Variants in SPRED1 observed in about 807,000 individuals in gnomAD.
SPRED1 encodes the protein sprouty-related, EVH1 domain-containing protein 1.
SPRED1 carries 18 observed loss-of-function variants against 52.3 expected under a neutral mutation model. That is an observed-to-expected ratio of 0.34 (90% CI 0.24 to 0.51). The LOEUF (loss-of-function observed/expected upper bound fraction) is 0.51, where lower values mean the gene tolerates loss of function less well. Among genes scored for constraint, SPRED1 ranks in the 20% least tolerant of loss-of-function variants. The probability of loss-of-function intolerance (pLI) is 0.97; values close to 1 mark genes in which losing one functional copy is unlikely to be tolerated. For missense variants in SPRED1, 485 were observed against 551.0 expected, an observed-to-expected ratio of 0.88 and a Z score of 1.20; for synonymous variants, 155 against 179.7, an observed-to-expected ratio of 0.86 and a Z score of 1.10.
chr15:38,293,505 G>A (rs562948155), intron 1 of SPRED1, among the ~76,000 whole-genome samples: 1 of 152,138 alleles, frequency 6.6e-6, no homozygotes, highest in Non-Finnish European at 1.5e-5. Context: ...AGTTGCCAGT[G>A]CTAAAGGAGT....
intron 1 of SPRED1, among the ~76,000 whole-genome samples, chr15:38,275,904 C>T (rs1035170906): frequency 6.6e-6 from 1 of 152,148 alleles, no homozygotes; most frequent in African/African-American, 2.4e-5. Context: ...TAAACTTGGA[C>T]CTTCTTATTG....
At chr15:38,330,640 T>G (rs1299805425) in intron 4 of SPRED1, among the ~76,000 whole-genome samples, 1 of 152,148 alleles carries the variant, frequency 6.6e-6, no homozygotes, top group Non-Finnish European at 1.5e-5. Flanking sequence ...GTTTAACACA[T>G]GTAATGCCAA....
chr15:38,271,849 C>T (rs1472332951), intron 1 of SPRED1, among the ~76,000 whole-genome samples: 1 of 152,116 alleles, frequency 6.6e-6, no homozygotes, highest in South Asian at 2.1e-4. Flanking sequence ...ATGACTGAAC[C>T]TGTCACCCAG....
At chr15:38,254,401 G>T (rs1245143728) in intron 1 of SPRED1, among the ~76,000 whole-genome samples, 1 of 152,196 alleles carries the variant, frequency 6.6e-6, no homozygotes, top group African/African-American at 2.4e-5. Flanking sequence ...AGCGGGTGTA[G>T]AAGGAGGTAC....
chr15:38,271,388 T>A (rs1894431439), intron 1 of SPRED1, among the ~76,000 whole-genome samples: 2 of 152,226 alleles, frequency 1.3e-5, no homozygotes, highest in East Asian at 3.8e-4. Flanking sequence ...TTGCAGCATT[T>A]CTTAGTAGTC....
intron 2 of SPRED1, among the ~76,000 whole-genome samples, chr15:38,314,534 A>G (rs1409715584): frequency 2.0e-5 from 3 of 151,554 alleles, no homozygotes; most frequent in Non-Finnish European, 4.4e-5. Flanking sequence ...TTATTCCTCT[A>G]TTGGTTGTTT....
At chr15:38,304,405 G>T (rs1895209790) in intron 2 of SPRED1, among the ~76,000 whole-genome samples, 2 of 152,158 alleles carry the variant, frequency 1.3e-5, no homozygotes, top group African/African-American at 2.4e-5. Flanking sequence ...TTTCTTGAAA[G>T]ATACTAGTTC....
chr15:38,324,628 C>T (rs1488377708), intron 3 of SPRED1, 135 bp from the exon 4 acceptor site: 1 of 677,386 alleles, frequency 1.5e-6, no homozygotes, highest in Non-Finnish European at 2.6e-6. Flanking sequence ...GTGGCCAGTA[C>T]CTTAATTGCC....
chr15:38,313,735 CTT>C (rs1895415482), intron 2 of SPRED1, among the ~76,000 whole-genome samples: 1 of 151,550 alleles, frequency 6.6e-6, no homozygotes, highest in Non-Finnish European at 1.5e-5. Flanking sequence ...AATTCATACT[CTT>C]TATTTCTTAA....
At chr15:38,292,304 C>T (rs1281870771) in intron 1 of SPRED1, among the ~76,000 whole-genome samples, 1 of 152,148 alleles carries the variant, frequency 6.6e-6, no homozygotes, top group Non-Finnish European at 1.5e-5. Flanking sequence ...CCCACATTTT[C>T]CTGTCTTCTG....
intron 1 of SPRED1, among the ~76,000 whole-genome samples, chr15:38,289,605 T>A (rs1439355232): frequency 2.6e-5 from 4 of 152,146 alleles, no homozygotes. Context: ...CATGAGCACT[T>A]CAGTGGATAA....
chr15:38,289,803 C>T (rs894788962), intron 1 of SPRED1, among the ~76,000 whole-genome samples: 8 of 152,198 alleles, frequency 5.3e-5, no homozygotes, highest in South Asian at 2.1e-4. Context: ...TTGAAAGGAA[C>T]GCAGCACTGC....
rs1376430922 is a variant in SPRED1 at position 38,340,039 on chromosome 15, AT to A, written c.582+147del. The A allele has an allele frequency of 1.4e-5, 15 of 1,082,970 alleles. No individual in the cohort carries two copies. In the Admixed American group the frequency reaches 1.9e-4, roughly 14 times the overall value. 67.1% of individuals were successfully genotyped at this position (1,082,970 alleles called of 1,614,324 possible). ...AAACCCCACAAACAAAACCAGGAGA[AT>A]TTGATTTATAATGAGCCAAATCCAG... is the stretch of plus-strand genomic sequence containing the variant. On this transcript the variant is annotated intron_variant, in intron 5 of 6. Transcript: ENST00000299084.
At chr15:38,292,268 A>G (rs1018896507) in intron 1 of SPRED1, among the ~76,000 whole-genome samples, 3 of 152,134 alleles carry the variant, frequency 2.0e-5, no homozygotes, top group African/African-American at 7.2e-5. Context: ...TCATTTCACT[A>G]TCAGCATTTT....
At chr15:38,335,770 G>A (rs1895901404) in intron 4 of SPRED1, among the ~76,000 whole-genome samples, 1 of 151,578 alleles carries the variant, frequency 6.6e-6, no homozygotes, top group African/African-American at 2.4e-5. Flanking sequence ...GAAAAAGAAA[G>A]GCAAAACAGG....
At chr15:38,272,912 A>G (rs1894468946) in intron 1 of SPRED1, among the ~76,000 whole-genome samples, 1 of 152,010 alleles carries the variant, frequency 6.6e-6, no homozygotes, top group Non-Finnish European at 1.5e-5. Context: ...AGTTATTTAA[A>G]TTGCTTATAG....
intron 1 of SPRED1, among the ~76,000 whole-genome samples, chr15:38,293,972 C>T (rs545491200): frequency 6.6e-6 from 1 of 152,182 alleles, no homozygotes; most frequent in South Asian, 2.1e-4. Context: ...AGATTATGAG[C>T]TTCTACAGGG....
At chr15:38,311,490 T>TGTAA (rs1895366668) in intron 2 of SPRED1, among the ~76,000 whole-genome samples, 1 of 152,168 alleles carries the variant, frequency 6.6e-6, no homozygotes, top group South Asian at 2.1e-4. Context: ...TGGAAAAGAC[T>TGTAA]GTAAAATTGG....
intron 1 of SPRED1, among the ~76,000 whole-genome samples, chr15:38,282,102 T>TGG (rs1205551487): frequency 2.0e-5 from 3 of 152,202 alleles, no homozygotes; most frequent in Non-Finnish European, 2.9e-5. Context: ...TCATATACTG[T>TGG]CCATAATACT....
Sources: gnomAD v4.1 joint callset for allele counts (sites outside exome capture counted in the v4.1 genomes callset) on GRCh38, gnomAD v4.1.1 for gene constraint, MANE v1.5 for transcripts, NCBI Gene and HGNC (gene_info 2026-07-23, HGNC 2026-07-21) for gene names.